Variants in MTHFD2L observed in about 807,000 individuals in gnomAD.
The protein encoded by MTHFD2L is methylenetetrahydrofolate dehydrogenase (NADP+ dependent) 2 like, also known as bifunctional methylenetetrahydrofolate dehydrogenase/cyclohydrolase 2, mitochondrial.
In MTHFD2L, 29 loss-of-function variants were observed where a neutral mutation model predicts 34.9. The ratio of observed to expected loss-of-function variants is 0.83; its 90% CI spans 0.62 to 1.13. The LOEUF is 1.13. Among genes scored for constraint, MTHFD2L ranks in the 50% most tolerant of loss-of-function variants. MTHFD2L has a pLI of 0.00. For missense variants in MTHFD2L, 481 were observed against 446.5 expected, an observed-to-expected ratio of 1.08 and a Z score of -0.70; for synonymous variants, 167 against 155.7, an observed-to-expected ratio of 1.07 and a Z score of -0.54.
intron 6 of MTHFD2L, among the ~76,000 whole-genome samples, chr4:74,264,766 T>A (rs1745091374): frequency 1.3e-5 from 2 of 152,242 alleles, no homozygotes; most frequent in South Asian, 4.1e-4. Flanking sequence ...GCAGCGTTAA[T>A]ATTAATGGAT....
At chr4:74,124,716 A>C (rs891950865), upstream of MTHFD2L, among the ~76,000 whole-genome samples, 4 of 152,094 alleles carry the variant, frequency 2.6e-5, no homozygotes, top group African/African-American at 9.7e-5. Context: ...TGCTATGTTC[A>C]CTGCTTCCAT....
chr4:74,133,203 G>T (rs1421300316), intron 1 of MTHFD2L, among the ~76,000 whole-genome samples: 1 of 152,110 alleles, frequency 6.6e-6, no homozygotes. Flanking sequence ...AACTGGAGTT[G>T]CTTTGTTATT....
At chr4:74,147,151 C>A (rs2109848051) in intron 1 of MTHFD2L, among the ~76,000 whole-genome samples, 1 of 152,192 alleles carries the variant, frequency 6.6e-6, no homozygotes, top group African/African-American at 2.4e-5. Context: ...TTATTCCAGT[C>A]TTCTCTGTCT....
chr4:74,206,257 A>G (rs1414811170), intron 5 of MTHFD2L, among the ~76,000 whole-genome samples: 2 of 152,092 alleles, frequency 1.3e-5, no homozygotes, highest in Non-Finnish European at 2.9e-5. Context: ...GCATGTAAGA[A>G]TTGGGTGGAG....
chr4:74,269,954 A>G (rs1004145588), intron 6 of MTHFD2L, among the ~76,000 whole-genome samples: 1 of 152,174 alleles, frequency 6.6e-6, no homozygotes, highest in African/African-American at 2.4e-5. Context: ...ACTGTAAAAC[A>G]TGTAGCCTTA....
intron 6 of MTHFD2L, among the ~76,000 whole-genome samples, chr4:74,259,024 C>G (rs1744368328): frequency 6.6e-6 from 1 of 152,156 alleles, no homozygotes; most frequent in Non-Finnish European, 1.5e-5. Context: ...TACTAAATCT[C>G]TGTAAGAGAA....
intron 3 of MTHFD2L, among the ~76,000 whole-genome samples, chr4:74,185,456 CAAAA>C (rs1033311822): frequency 1.3e-5 from 2 of 151,078 alleles, no homozygotes; most frequent in African/African-American, 2.4e-5. Flanking sequence ...AACATAAAAA[CAAAA>C]AAAGAAATAA....
At chr4:74,218,076 A>G (rs1342426698) in intron 5 of MTHFD2L, among the ~76,000 whole-genome samples, 1 of 152,130 alleles carries the variant, frequency 6.6e-6, no homozygotes, top group Non-Finnish European at 1.5e-5. Flanking sequence ...TGCTTTCCAT[A>G]TGAGAATAGA....
intron 5 of MTHFD2L, among the ~76,000 whole-genome samples, chr4:74,222,938 T>G (rs1349592261): frequency 6.6e-6 from 1 of 152,056 alleles, no homozygotes; most frequent in Non-Finnish European, 1.5e-5. Context: ...AAATAACAGA[T>G]TCTGGCGAGG....
At chr4:74,164,722 A>G (rs895150520) in intron 1 of MTHFD2L, among the ~76,000 whole-genome samples, 6 of 152,230 alleles carry the variant, frequency 3.9e-5, no homozygotes, top group Admixed American at 1.3e-4. Flanking sequence ...TATTGCTACT[A>G]ATGGTAACCC....
At chr4:74,129,647 G>A (rs1410332774) in intron 1 of MTHFD2L, among the ~76,000 whole-genome samples, 3 of 151,916 alleles carry the variant, frequency 2.0e-5, no homozygotes, top group Non-Finnish European at 2.9e-5. Flanking sequence ...ATCTAAAATC[G>A]ACATCCTAAC....
chr4:74,174,536 A>C lies in MTHFD2L; in HGVS notation c.174A>C (p.Glu58Asp). ...RHEAIIISGT[E>D]MAKHIQKEIQ... ...AAGCCATTATTATATCAGGAACCGA[A>C]ATGGCCAAGCATATCCAGAAAGAAA... The change falls in exon 2 of 8, where the codon GAA becomes GAC. Residue 58 changes from glutamate (E) to aspartate (D), a missense_variant. Coordinates refer to ENST00000325278, the MANE Select transcript of MTHFD2L (RefSeq NM_001144978.3). 3 of 1,571,852 alleles carry C rather than the reference A, an allele frequency of 1.9e-6. No homozygotes were observed. Among genetic ancestry groups the C allele is most frequent in the Non-Finnish European group, 2.6e-6 (3 of 1,162,134 alleles).
At chr4:74,145,054 A>T (rs1322713463) in intron 1 of MTHFD2L, among the ~76,000 whole-genome samples, 2 of 152,160 alleles carry the variant, frequency 1.3e-5, no homozygotes, top group Non-Finnish European at 1.5e-5. Context: ...GACTAAATTA[A>T]TAAGAATATA....
At chr4:74,238,140 G>A (rs1015657239) in intron 6 of MTHFD2L, among the ~76,000 whole-genome samples, 1 of 152,140 alleles carries the variant, frequency 6.6e-6, no homozygotes, top group African/African-American at 2.4e-5. Context: ...TGATCAAAAT[G>A]TTACATGTCA....
At chr4:74,128,744 T>C (rs1722258275) in intron 1 of MTHFD2L, among the ~76,000 whole-genome samples, 9 of 152,090 alleles carry the variant, frequency 5.9e-5, no homozygotes, top group Admixed American at 5.9e-4. Flanking sequence ...AATTTTTTTC[T>C]ATTTATGGGA....
intron 3 of MTHFD2L, chr4:74,194,904 A>T (rs1030934286): frequency 2.0e-5 from 3 of 152,192 alleles, no homozygotes; most frequent in Non-Finnish European, 2.9e-5. Flanking sequence ...AGTCTCTCTG[A>T]ATCTGCTGTG....
chr4:74,206,988 C>A (rs1735442599), intron 5 of MTHFD2L, among the ~76,000 whole-genome samples: 1 of 152,132 alleles, frequency 6.6e-6, no homozygotes, highest in African/African-American at 2.4e-5. Flanking sequence ...GCAGCCTCAA[C>A]TTCCTGGACA....
At chr4:74,134,379 T>G (rs1722757180) in intron 1 of MTHFD2L, among the ~76,000 whole-genome samples, 1 of 152,162 alleles carries the variant, frequency 6.6e-6, no homozygotes, top group African/African-American at 2.4e-5. Context: ...GTCCTCCTCC[T>G]TATGGGACAG....
intron 6 of MTHFD2L, among the ~76,000 whole-genome samples, chr4:74,276,261 TC>T (rs1201116381): frequency 6.6e-6 from 1 of 152,168 alleles, no homozygotes; most frequent in East Asian, 1.9e-4. Flanking sequence ...AAAATCACTT[TC>T]ATCTTTCATC....
Sources: gnomAD v4.1 joint callset for allele counts (sites outside exome capture counted in the v4.1 genomes callset) on GRCh38, gnomAD v4.1.1 for gene constraint, MANE v1.5 for transcripts, NCBI Gene and HGNC (gene_info 2026-07-23, HGNC 2026-07-21) for gene names.